Variants in RNF216 observed in about 807,000 individuals in gnomAD.
The protein encoded by RNF216 is E3 ubiquitin-protein ligase RNF216.
In RNF216, 72 loss-of-function variants were observed where a neutral mutation model predicts 110.8. The observed-to-expected ratio is 0.65, with a 90% CI of 0.54 to 0.79. The LOEUF (loss-of-function observed/expected upper bound fraction) is 0.79. RNF216 is among the 30% of genes least tolerant of loss of function. The pLI, the probability that RNF216 is intolerant of heterozygous loss-of-function variation, is 0.00. For missense variants in RNF216, 1,342 were observed against 1,141.2 expected (o/e 1.18, Z -2.54); for synonymous variants, 495 against 407.5 (o/e 1.21, Z -2.59).
intron 2 of RNF216, among the ~76,000 whole-genome samples, chr7:5,753,802 C>T (rs1795458297): frequency 6.6e-6 from 1 of 152,124 alleles, no homozygotes; most frequent in African/African-American, 2.4e-5. Context: ...TGAGACCAGC[C>T]AGACGAACAC....
intron 1 of RNF216, among the ~76,000 whole-genome samples, chr7:5,762,807 C>T (rs1376486111): frequency 1.3e-5 from 2 of 152,170 alleles, no homozygotes; most frequent in Non-Finnish European, 2.9e-5. Flanking sequence ...GGAACTTGAA[C>T]TTGAGTTACA....
chr7:5,710,724 C>G (rs1009430662), intron 13 of RNF216, among the ~76,000 whole-genome samples: 1 of 152,210 alleles, frequency 6.6e-6, no homozygotes, highest in Non-Finnish European at 1.5e-5. Context: ...GAACATTTCT[C>G]CATCTCCACT....
At chr7:5,771,452 A>C (rs548669223) in intron 1 of RNF216, among the ~76,000 whole-genome samples, 18 of 152,214 alleles carry the variant, frequency 1.2e-4, no homozygotes, top group Non-Finnish European at 2.2e-4. Context: ...CAGAATGAAA[A>C]GGCAAGCCAC....
intron 4 of RNF216, among the ~76,000 whole-genome samples, chr7:5,740,104 CTTTTTT>C (rs71004698): frequency 4.2e-5 from 5 of 118,492 alleles, no homozygotes; most frequent in African/African-American, 1.4e-4. Context: ...GATGTAACAC[CTTTTTT>C]TTTTTTTTTT....
chr7:5,754,470 G>C (rs187914949), intron 2 of RNF216, among the ~76,000 whole-genome samples: 4 of 152,092 alleles, frequency 2.6e-5, no homozygotes, highest in Admixed American at 6.5e-5. Context: ...TGACTTAATT[G>C]TGGATTTTTA....
At chr7:5,736,261 G>C (rs984670505) in intron 5 of RNF216, among the ~76,000 whole-genome samples, 15 of 152,142 alleles carry the variant, frequency 9.9e-5, no homozygotes, top group African/African-American at 3.6e-4. Context: ...GTGATTGCAG[G>C]TGCGCGCCGC....
intron 13 of RNF216, among the ~76,000 whole-genome samples, chr7:5,656,704 T>A (rs6971289): frequency 6.6e-6 from 1 of 152,226 alleles, no homozygotes; most frequent in African/African-American, 2.4e-5. Flanking sequence ...TGGCTGTTCA[T>A]GAGGTCTTCA....
intron 2 of RNF216, among the ~76,000 whole-genome samples, chr7:5,757,079 C>T (rs563715445): frequency 5.1e-4 from 77 of 152,278 alleles, no homozygotes; most frequent in African/African-American, 1.6e-3. Flanking sequence ...GTGATTTCTT[C>T]TCACACTGGG....
At chr7:5,694,134 C>T (rs191889980) in intron 13 of RNF216, among the ~76,000 whole-genome samples, 3 of 152,312 alleles carry the variant, frequency 2.0e-5, no homozygotes, top group East Asian at 3.9e-4. Flanking sequence ...CAGTTTTACA[C>T]TATTGAGAAA....
chr7:5,719,342 C>A (rs1793268364), intron 9 of RNF216, among the ~76,000 whole-genome samples: 1 of 152,190 alleles, frequency 6.6e-6, no homozygotes, highest in Non-Finnish European at 1.5e-5. Context: ...CATCACTGCA[C>A]TCCAGCCTAA....
chr7:5,756,958 T>C (rs1795676323), intron 2 of RNF216, among the ~76,000 whole-genome samples: 1 of 152,228 alleles, frequency 6.6e-6, no homozygotes, highest in Admixed American at 6.5e-5. Context: ...TCTTGTCTAA[T>C]GTATTTTAGG....
chr7:5,678,605 G>A (rs778274655), intron 13 of RNF216, among the ~76,000 whole-genome samples: 2 of 152,206 alleles, frequency 1.3e-5, no homozygotes, highest in African/African-American at 2.4e-5. Flanking sequence ...ATCTATAAAA[G>A]GAGTGCTTAT....
chr7:5,676,000 C>T (rs965412599), intron 13 of RNF216, among the ~76,000 whole-genome samples: 4 of 148,960 alleles, frequency 2.7e-5, no homozygotes, highest in African/African-American at 5.1e-5. Context: ...TGAGCTACTG[C>T]GCCTGGCCCT....
chr7:5,751,463 G>C (rs1795323599), intron 3 of RNF216, among the ~76,000 whole-genome samples: 1 of 152,014 alleles, frequency 6.6e-6, no homozygotes, highest in Non-Finnish European at 1.5e-5. Context: ...ACCTAAACCT[G>C]GGAAGTTCAT....
In RNF216 at chr7:5,624,201, C is replaced by T. The variant is rs894121226; in HGVS notation, c.2383-76G>A. 12 of 1,271,846 alleles carry T rather than the reference C, an allele frequency of 9.4e-6. No individual in the cohort carries two copies. Among genetic ancestry groups the T allele is most frequent in the African/African-American group, 4.4e-5 (3 of 68,594 alleles). The allele number at this position is 1,271,846 out of a possible 1,614,324, so 78.8% of individuals were successfully genotyped here. On this transcript the variant is annotated intron_variant, in intron 15 of 16. Coordinates refer to ENST00000389902, the MANE Select transcript of RNF216 (RefSeq NM_207111.4). This position sits in a 1 kb window ranked among gnomAD's most constrained non-coding sequence, Gnocchi z 4.4. ...AGGCCCCGTGGGACAGTGAGGAGGC[C>T]GCTTGTTGCTTATGGCCATGGAACA...
chr7:5,670,025 C>T (rs995351847), intron 13 of RNF216, among the ~76,000 whole-genome samples: 1 of 151,808 alleles, frequency 6.6e-6, no homozygotes, highest in South Asian at 2.1e-4. Flanking sequence ...CTCCCAAGTT[C>T]GAGCAATTCT....
intron 1 of RNF216, among the ~76,000 whole-genome samples, chr7:5,771,286 GA>G (rs1796482020): frequency 6.6e-6 from 1 of 152,056 alleles, no homozygotes; most frequent in Non-Finnish European, 1.5e-5. Context: ...CATTTAAACA[GA>G]AAGGTAAAAT....
chr7:5,639,134 A>G (rs1787577611), intron 15 of RNF216, among the ~76,000 whole-genome samples: 1 of 152,184 alleles, frequency 6.6e-6, no homozygotes, highest in Non-Finnish European at 1.5e-5. Context: ...ACTGAAGCAG[A>G]AGTGACCTGT....
chr7:5,684,029 T>G (rs1790819135), intron 13 of RNF216, among the ~76,000 whole-genome samples: 1 of 151,660 alleles, frequency 6.6e-6, no homozygotes, highest in African/African-American at 2.4e-5. Flanking sequence ...GCAAGTTGAT[T>G]TGGTCTGGCA....
Sources: allele counts gnomAD v4.1 joint callset (sites outside exome capture counted in the v4.1 genomes callset), GRCh38; gene constraint gnomAD v4.1.1; non-coding constraint Gnocchi (gnomAD v3.1); transcripts MANE v1.5; gene names NCBI Gene and HGNC (gene_info 2026-07-23, HGNC 2026-07-21).